The following MYT1L variants were observed in gnomAD, a reference collection of about 807,000 sequenced individuals.
MYT1L encodes myelin transcription factor 1 like.
MYT1L carries 12 observed loss-of-function variants against 126.7 expected under a neutral mutation model. That is an observed-to-expected ratio of 0.09 (90% confidence interval 0.06 to 0.15). The LOEUF (loss-of-function observed/expected upper bound fraction) is 0.15. Ranked by LOEUF, MYT1L falls within the 10% of genes least tolerant of loss-of-function variation. MYT1L has a pLI of 1.00. For synonymous variants in MYT1L, 541 were observed against 604.2 expected, an observed-to-expected ratio of 0.90 and a Z score of 1.53; for missense variants, 979 against 1,585.2, an observed-to-expected ratio of 0.62 and a Z score of 6.49.
chr2:2,044,169 C>T (rs987760041), intron 4 of MYT1L, among the ~76,000 whole-genome samples: 2 of 152,190 alleles, frequency 1.3e-5, no homozygotes, highest in African/African-American at 4.8e-5. Flanking sequence ...GGTCCCTGTG[C>T]ACTCCCATGT....
rs142437981 is a variant in MYT1L, at chr2:2,205,831, G to A, written c.-420-32843C>T. 6.8e-3 allele frequency among the ~76,000 whole-genome samples: 1,041 copies of A among 152,126 alleles called. 11 individuals are homozygous for A. The highest frequency in any genetic ancestry group is 0.016 in the African/African-American group (681 of 41,466). ...ATGGGTTAAAGTCCAAAATCCTTAC[G>A]TGGTCAACCAAGGCCCTTTCAATGT... is the stretch of plus-strand genomic sequence containing the variant. On this transcript the variant is annotated intron_variant, in intron 2 of 24. Coordinates refer to ENST00000647738, the MANE Select transcript of MYT1L (RefSeq NM_001303052.2).
chr2:2,081,428 T>C (rs1461577277), intron 3 of MYT1L, among the ~76,000 whole-genome samples: 1 of 152,198 alleles, frequency 6.6e-6, no homozygotes, highest in Non-Finnish European at 1.5e-5. Flanking sequence ...ACCAAATTGC[T>C]TTCTCAATGG....
chr2:1,977,572 G>C (rs1179546744), intron 8 of MYT1L, among the ~76,000 whole-genome samples: 1 of 152,064 alleles, frequency 6.6e-6, no homozygotes, highest in Non-Finnish European at 1.5e-5. Flanking sequence ...ATGCTTGAGG[G>C]GATGAAGATT....
intron 3 of MYT1L, among the ~76,000 whole-genome samples, chr2:2,071,915 G>A (rs2074649866): frequency 6.6e-6 from 1 of 152,288 alleles, no homozygotes; most frequent in African/African-American, 2.4e-5. Flanking sequence ...CTGTGGGCGA[G>A]GAGGGAGAGC....
intron 3 of MYT1L, among the ~76,000 whole-genome samples, chr2:2,151,100 G>A (rs1439757717): frequency 6.6e-6 from 1 of 152,184 alleles, no homozygotes; most frequent in East Asian, 1.9e-4. Flanking sequence ...CTTTGAGTCT[G>A]TGCCAAGAAA....
At chr2:1,882,902 T>G (rs183729139) in intron 18 of MYT1L, among the ~76,000 whole-genome samples, 213 of 152,372 alleles carry the variant, frequency 1.4e-3, no homozygotes, top group Non-Finnish European at 2.7e-3. Context: ...CTTTGATTTA[T>G]GATGTATTTT....
intron 1 of MYT1L, among the ~76,000 whole-genome samples, chr2:2,311,719 A>G (rs925633384): frequency 6.6e-6 from 1 of 152,248 alleles, no homozygotes; most frequent in African/African-American, 2.4e-5. Context: ...AGCAGGAACA[A>G]ATAAGGGAGC....
At chr2:2,074,039 A>G (rs1011561118) in intron 3 of MYT1L, among the ~76,000 whole-genome samples, 2 of 152,236 alleles carry the variant, frequency 1.3e-5, no homozygotes, top group African/African-American at 2.4e-5. Flanking sequence ...AAGGCCTAGC[A>G]AGAGGAAATC....
chr2:2,252,675 C>A (rs1281518325), intron 2 of MYT1L, among the ~76,000 whole-genome samples: 1 of 152,160 alleles, frequency 6.6e-6, no homozygotes, highest in Non-Finnish European at 1.5e-5. Context: ...GCCCGGCATG[C>A]AAAGCTCCCC....
At chr2:2,141,727 C>T (rs1013882665) in intron 3 of MYT1L, among the ~76,000 whole-genome samples, 3 of 152,142 alleles carry the variant, frequency 2.0e-5, no homozygotes, top group African/African-American at 2.4e-5. Context: ...AGTAACCCTA[C>T]GTCATGGGGC....
intron 21 of MYT1L, among the ~76,000 whole-genome samples, chr2:1,823,998 T>TCC (rs35427629): frequency 6.6e-6 from 1 of 151,468 alleles, no homozygotes; most frequent in South Asian, 2.1e-4. Context: ...AGGCCGCGCC[T>TCC]CCCCCCCCAG....
chr2:1,895,208 G>A (rs1437608613), intron 14 of MYT1L, among the ~76,000 whole-genome samples: 3 of 152,100 alleles, frequency 2.0e-5, no homozygotes, highest in Non-Finnish European at 2.9e-5. Context: ...AATCAGAGAC[G>A]ACACAAATAA....
At chr2:2,254,136 T>C (rs1017702281) in intron 2 of MYT1L, among the ~76,000 whole-genome samples, 17 of 152,168 alleles carry the variant, frequency 1.1e-4, no homozygotes, top group African/African-American at 4.1e-4. Context: ...AAAGAGTATA[T>C]GGTACCTTTT....
At chr2:2,181,722 C>T (rs536524710) in intron 2 of MYT1L, among the ~76,000 whole-genome samples, 23 of 152,284 alleles carry the variant, frequency 1.5e-4, no homozygotes, top group Admixed American at 1.4e-3. Context: ...CCTTTTCCTT[C>T]ACACAGCAAC....
intron 2 of MYT1L, among the ~76,000 whole-genome samples, chr2:2,271,355 A>G (rs147152407): frequency 6.6e-6 from 1 of 152,202 alleles, no homozygotes; most frequent in African/African-American, 2.4e-5. Context: ...CAATTCTTAC[A>G]TTCCTAAAAC....
chr2:2,140,289 C>A (rs1468162200), intron 3 of MYT1L, among the ~76,000 whole-genome samples: 1 of 151,998 alleles, frequency 6.6e-6, no homozygotes, highest in East Asian at 1.9e-4. Context: ...AAGTCAGGAA[C>A]CAATAAGAAT....
intron 3 of MYT1L, among the ~76,000 whole-genome samples, chr2:2,162,425 G>A (rs1158608152): frequency 7.9e-5 from 12 of 152,120 alleles, no homozygotes; most frequent in African/African-American, 2.9e-4. Context: ...TGCAGGTGGT[G>A]CTCGTGGTCC....
intron 5 of MYT1L, among the ~76,000 whole-genome samples, chr2:1,989,823 C>A (rs1574278045): frequency 6.6e-6 from 1 of 152,174 alleles, no homozygotes; most frequent in East Asian, 1.9e-4. Context: ...ATGGTGAAAA[C>A]CCCGTCTCTA....
chr2:1,943,340 T>C lies in MYT1L; in HGVS notation c.153-6A>G, dbSNP rs1280814135. On this transcript the variant is annotated splice_polypyrimidine_tract_variant and splice_region_variant and intron_variant, in intron 8 of 24. Transcript: ENST00000647738. The surrounding 1 kb of genome is among the most constrained non-coding windows in gnomAD (Gnocchi z 4.4). The stretch of plus-strand genomic sequence containing the variant: ...CCAAGGGACAACCATATACACTAAT[T>C]AAAAAAATAGAGAAGGCAGGGGAGA... 17 of 1,537,520 alleles carry C rather than the reference T, an allele frequency of 1.1e-5. No individual in the cohort carries two copies. The highest frequency in any genetic ancestry group is 4.4e-5 in the Admixed American group (2 of 45,696).
Sources: gnomAD v4.1 joint callset for allele counts (sites outside exome capture counted in the v4.1 genomes callset) on GRCh38, gnomAD v4.1.1 for gene constraint, Gnocchi (gnomAD v3.1) non-coding constraint, MANE v1.5 for transcripts, NCBI Gene and HGNC (gene_info 2026-07-23, HGNC 2026-07-21) for gene names.